Variants in TRPM1 observed in about 807,000 individuals in gnomAD.
The protein encoded by TRPM1 is transient receptor potential cation channel subfamily M member 1.
In TRPM1, 113 loss-of-function variants were observed where a neutral mutation model predicts 149.4. The observed-to-expected ratio is 0.76, with a 90% CI of 0.65 to 0.88. The LOEUF is 0.88. Among genes scored for constraint, TRPM1 ranks in the 40% least tolerant of loss-of-function variants. The probability of loss-of-function intolerance (pLI) is 0.00; values close to 1 mark genes in which losing one functional copy is unlikely to be tolerated. For missense variants in TRPM1, 1,976 were observed against 2,038.7 expected (o/e 0.97, Z 0.59); for synonymous variants, 741 against 759.5 (o/e 0.98, Z 0.40).
In TRPM1 at chr15:31,125,164, C is replaced by CGA. The variant is rs201089703; in HGVS notation, c.54+35740_54+35741dup. On this transcript the variant is annotated intron_variant, in intron 1 of 26. Transcript: ENST00000542188. ...CTGTACTCCAGCCTGGGTGACAGAG[C>CGA]GAGACTGTGTCTCAAAAAACAAAAC... Among the ~76,000 whole-genome samples the CGA allele has an allele frequency of 4.3e-3, 641 of 150,424 alleles. 15 individuals are homozygous for CGA. Among genetic ancestry groups the CGA allele is most frequent in the East Asian group, 0.033 (170 of 5,170 alleles).
At chr15:31,067,233 C>A (rs1335558167) in intron 5 of TRPM1, 46 bp from the exon 6 acceptor site, 1 of 1,614,042 alleles carries the variant, frequency 6.2e-7, no homozygotes, top group Non-Finnish European at 8.5e-7. Context: ...TACTTCCCAG[C>A]ACACCATCAT....
upstream of TRPM1, among the ~76,000 whole-genome samples, chr15:31,104,872 G>C (rs1020766113): frequency 2.1e-4 from 32 of 152,118 alleles, no homozygotes; most frequent in African/African-American, 7.5e-4. Flanking sequence ...GGGATTACAG[G>C]TGTGAGCCAC....
rs747683568 is a variant in TRPM1 at position 31,003,025 on chromosome 15, TTC to T, written c.3673_3674del (p.Glu1225AsnfsTer11). The T allele has an allele frequency of 1.3e-6, 2 of 1,598,130 alleles. No individual in the cohort carries two copies. Among genetic ancestry groups the T allele is most frequent in the Non-Finnish European group, 8.5e-7 (1 of 1,175,454 alleles). On this transcript the variant is annotated frameshift_variant, in exon 28 of 28. Coordinates refer to ENST00000256552, the MANE Select transcript of TRPM1 (RefSeq NM_001252024.2). LOFTEE classifies it low-confidence loss of function (END_TRUNC). Reference sequence around the variant, plus strand: ...TCTGCAGGGAAGTTTTCATAAAAGTTTCTCTTTCATTGATTTCTTCCAACCTC... The same window carrying T: ...TCTGCAGGGAAGTTTTCATAAAAGTTTCTTTCATTGATTTCTTCCAACCTC... ...SMRLEEINER[E>X]TFMKTSLQTV...
At chr15:31,137,240 C>T (rs1038479844) in intron 1 of TRPM1, among the ~76,000 whole-genome samples, 8 of 152,194 alleles carry the variant, frequency 5.3e-5, no homozygotes, top group African/African-American at 1.9e-4. Flanking sequence ...TATTTCTTCT[C>T]TTCTCAATGG....
intron 1 of TRPM1, 111 bp from the exon 2 acceptor site, chr15:31,081,549 G>A (rs1412559678): frequency 2.9e-6 from 2 of 697,320 alleles, no homozygotes; most frequent in Non-Finnish European, 2.4e-6. Flanking sequence ...CTCTAATGTG[G>A]CCTCTTCACC....
In TRPM1 at chr15:31,002,683, G is replaced by A. The variant is rs777374039; in HGVS notation, c.4017C>T (p.Val1339=). Reference sequence around the variant, plus strand: ...GGTGAAGACTGTTCTGACATTCTGGGACTAGGTGCGTTTTCACGTCCTTCT... The same window carrying A: ...GGTGAAGACTGTTCTGACATTCTGGAACTAGGTGCGTTTTCACGTCCTTCT... ...KEEKDVKTHL[V]PECQNSLHLS... The change falls in exon 28 of 28, where the codon GTC becomes GTT. Residue 1339 remains valine (V), a synonymous_variant. Transcript: ENST00000256552. 3.1e-6 allele frequency: 5 copies of A among 1,614,164 alleles called. No homozygotes were observed. Among genetic ancestry groups the A allele is most frequent in the Admixed American group, 3.3e-5 (2 of 60,016 alleles).
rs1447867169 is a variant in TRPM1 at position 31,026,191 on chromosome 15, C to T, written c.3577G>A (p.Glu1193Lys). ...QCVQEHFREK[E>K]DEQQSSSDER... ...TCGCTGGACGACTGCTGCTCATCCT[C>T]CTTCTCCCGGAAGTGCTCCTGCACG... The change falls in exon 27 of 28, where the codon GAG (glutamate) becomes AAG (lysine). Residue 1193 changes from glutamate to lysine, a missense_variant. Physicochemically the swap from Glu to Lys is moderately conservative, Grantham distance 56. Around this residue, in one of 3 missense-constraint regions of TRPM1, gnomAD observed 572 missense variants for 578.9 expected, o/e 0.99. Transcript: ENST00000256552. 1.9e-6 allele frequency: 3 copies of T among 1,612,404 alleles called. No individual in the cohort carries two copies. The African/African-American group carries it at 4.0e-5, about 22-fold the overall frequency.
chr15:31,022,443 C>A lies in TRPM1; in HGVS notation c.3629+3696G>T, dbSNP rs149742575. On this transcript the variant is annotated intron_variant, in intron 27 of 27. Transcript: ENST00000256552. ...CCCAGGAGTTTGAGATCAGCCTGGG[C>A]AACATAGTGAGACCCTGTTTCTACA... is the stretch of plus-strand genomic sequence containing the variant. Among the ~76,000 whole-genome samples, 246 of 152,328 alleles carry A rather than the reference C, an allele frequency of 1.6e-3. 1 individual carries two copies. The highest frequency in any genetic ancestry group is 0.012 in the South Asian group (58 of 4,828).
chr15:31,113,840 A>C (rs2338853), intron 1 of TRPM1, among the ~76,000 whole-genome samples: 2 of 151,514 alleles, frequency 1.3e-5, no homozygotes, highest in Admixed American at 6.6e-5. Flanking sequence ...TGTGAACAGC[A>C]AAACAACGAC....
chr15:31,040,027 T>G lies in TRPM1; in HGVS notation c.2316+91A>C. On this transcript the variant is annotated intron_variant, in intron 18 of 27. Transcript: ENST00000256552. This position sits in a 1 kb window ranked among gnomAD's most constrained non-coding sequence, Gnocchi z 4.2. ...TCAGGGGGTTGCTAGAAGGAATAAA[T>G]GAAATAAGCCACAGAAAGTGCTCAG... The G allele has an allele frequency of 8.7e-7, 1 of 1,151,790 alleles. No homozygotes were observed. The highest frequency in any genetic ancestry group is 1.3e-6 in the Non-Finnish European group (1 of 770,874). 71.3% of individuals were successfully genotyped at this position (1,151,790 alleles called of 1,614,324 possible). A position where few individuals can be genotyped will look rare whatever the true frequency, so the allele number is the denominator to read the frequency against.
chr15:31,072,553 C>T (rs757707055), intron 3 of TRPM1, among the ~76,000 whole-genome samples: 6 of 152,104 alleles, frequency 3.9e-5, no homozygotes, highest in Non-Finnish European at 4.4e-5. Flanking sequence ...CATGGGATTG[C>T]TGGGTCATAC....
chr15:31,026,018 T>G, intron 27 of TRPM1, 121 bp downstream of exon 27: 2 of 1,438,410 alleles, frequency 1.4e-6, no homozygotes, highest in Non-Finnish European at 1.9e-6. Context: ...ACCTAAAGTT[T>G]AAATAAAACA....
intron 5 of TRPM1, among the ~76,000 whole-genome samples, chr15:31,067,395 A>C (rs1306683151): frequency 6.6e-6 from 1 of 152,196 alleles, no homozygotes; most frequent in Non-Finnish European, 1.5e-5. Context: ...ACGGGAAAAC[A>C]AAAACAGAAA....
At chr15:31,047,569 G>A (rs1406331993) in intron 14 of TRPM1, among the ~76,000 whole-genome samples, 1 of 152,206 alleles carries the variant, frequency 6.6e-6, no homozygotes, top group East Asian at 1.9e-4. Flanking sequence ...GAGGCTGCAT[G>A]GACAGACAGC....
At chr15:31,036,429 G>A (rs2033377578) in intron 20 of TRPM1, among the ~76,000 whole-genome samples, 1 of 152,092 alleles carries the variant, frequency 6.6e-6, no homozygotes, top group African/African-American at 2.4e-5. Flanking sequence ...TGGGCAGTTT[G>A]GTTTTTTTTT....
chr15:31,089,843 TGTGA>T (rs1047415812), intron 1 of TRPM1, among the ~76,000 whole-genome samples: 6 of 152,288 alleles, frequency 3.9e-5, no homozygotes, highest in South Asian at 4.1e-4. Context: ...TGCCTGCCCT[TGTGA>T]GTAAGGGGAT....
chr15:31,084,181 T>C (rs902427003), intron 1 of TRPM1, among the ~76,000 whole-genome samples: 1 of 152,166 alleles, frequency 6.6e-6, no homozygotes, highest in Non-Finnish European at 1.5e-5. Context: ...ATATTTTTCT[T>C]TGTACTTTCT....
chr15:31,149,504 C>G (rs1389245998), intron 1 of TRPM1, among the ~76,000 whole-genome samples: 1 of 150,248 alleles, frequency 6.7e-6, no homozygotes, highest in Non-Finnish European at 1.5e-5. Context: ...TGCTATAGCT[C>G]GTCATGTGCA....
intron 1 of TRPM1, among the ~76,000 whole-genome samples, chr15:31,089,023 A>T (rs1161290788): frequency 6.6e-6 from 1 of 152,156 alleles, no homozygotes; most frequent in Non-Finnish European, 1.5e-5. Flanking sequence ...CAAGTGAGGC[A>T]CTCAAATGGG....
Sources: allele counts gnomAD v4.1 joint callset (sites outside exome capture counted in the v4.1 genomes callset), GRCh38; gene constraint gnomAD v4.1.1; regional missense constraint gnomAD v4.1.1; non-coding constraint Gnocchi (gnomAD v3.1); transcripts MANE v1.5; gene names NCBI Gene and HGNC (gene_info 2026-07-23, HGNC 2026-07-21).